Variants in RC3H1 observed in about 807,000 individuals in gnomAD.
The protein encoded by RC3H1 is ring finger and CCCH-type domains 1.
RC3H1 carries 50 observed loss-of-function variants against 138.2 expected under a neutral mutation model. That is an observed-to-expected ratio of 0.36 (90% CI 0.29 to 0.46). The LOEUF is 0.46. RC3H1 is among the 20% of genes least tolerant of loss of function. RC3H1 has a pLI of 1.00. For synonymous variants in RC3H1, 462 were observed against 489.1 expected (o/e 0.94, Z 0.73); for missense variants, 1,031 against 1,388.1 (o/e 0.74, Z 4.09).
intron 2 of RC3H1, among the ~76,000 whole-genome samples, chr1:173,989,450 C>T (rs888360495): frequency 3.3e-5 from 5 of 152,058 alleles, no homozygotes; most frequent in Non-Finnish European, 7.4e-5. Flanking sequence ...TGGCCTCCCA[C>T]AGTGCTGGGA....
At chr1:173,998,693 C>T (rs1341832005) in intron 1 of RC3H1, among the ~76,000 whole-genome samples, 2 of 152,178 alleles carry the variant, frequency 1.3e-5, no homozygotes, top group Non-Finnish European at 2.9e-5. Context: ...TGGTTAAGAA[C>T]CACCACTTTC....
chr1:174,008,313 A>T (rs1053838793), intron 1 of RC3H1, among the ~76,000 whole-genome samples: 5 of 152,192 alleles, frequency 3.3e-5, no homozygotes, highest in Non-Finnish European at 5.9e-5. Context: ...TTGTTTTGAA[A>T]TATGCCTCCT....
chr1:173,975,152 G>A (rs1255650910), intron 7 of RC3H1, among the ~76,000 whole-genome samples: 1 of 152,148 alleles, frequency 6.6e-6, no homozygotes, highest in Non-Finnish European at 1.5e-5. Context: ...CTGGAGTGCA[G>A]TGGCATGATC....
At chr1:173,944,588 C>G (rs1026033448) in intron 17 of RC3H1, among the ~76,000 whole-genome samples, 3 of 152,044 alleles carry the variant, frequency 2.0e-5, no homozygotes, top group Admixed American at 6.6e-5. Flanking sequence ...AACAAACAAA[C>G]AAAAAACCAT....
At position 173,932,085 on chromosome 1, in the gene RC3H1, A is replaced by G. The variant is rs1658403134; in HGVS notation, c.*6636T>C. On this transcript the variant is annotated 3_prime_UTR_variant, in exon 20 of 20. Coordinates refer to ENST00000367696, the MANE Select transcript of RC3H1 (RefSeq NM_172071.4). ...AGTGATTTCACTTACAACCTGACTC[A>G]AATCTCATGGGCTCCTTTATTAACC... 2.0e-5 allele frequency: 3 copies of G among 152,168 alleles called. No homozygotes were observed. Among genetic ancestry groups the G allele is most frequent in the South Asian group, 2.1e-4 (1 of 4,834 alleles). The allele number at this position is 152,168 out of a possible 1,614,324, so 9.4% of individuals were successfully genotyped here.
chr1:173,978,515 G>T lies in RC3H1; in HGVS notation c.1075C>A (p.Leu359Met), dbSNP rs755213543. ...NLNRLRPHLE[L>M]LANIDPSPDA... ...GGACTAGGGTCAATGTTTGCTAACA[G>T]CTCCAAATGGGGTCTTAGTCGGTTC... is the stretch of plus-strand genomic sequence containing the variant. The change falls in exon 7 of 20, where the codon CTG becomes ATG. Residue 359 changes from leucine (L) to methionine (M), a missense_variant. Coordinates refer to ENST00000367696, the MANE Select transcript of RC3H1 (RefSeq NM_172071.4). 8 of 1,614,042 alleles carry T rather than the reference G, an allele frequency of 5.0e-6. No individual in the cohort carries two copies. In the South Asian group the frequency reaches 6.6e-5, roughly 13 times the overall value.
intron 14 of RC3H1, among the ~76,000 whole-genome samples, chr1:173,948,853 T>G (rs1229808809): frequency 1.3e-5 from 2 of 152,142 alleles, no homozygotes; most frequent in Non-Finnish European, 2.9e-5. Context: ...CCCAAAGTGC[T>G]GGGGTTACAG....
chr1:174,021,492 T>G (rs945185608), intron 1 of RC3H1, among the ~76,000 whole-genome samples: 4 of 150,104 alleles, frequency 2.7e-5, no homozygotes, highest in African/African-American at 4.9e-5. Flanking sequence ...AGTTTTTTGT[T>G]TTTTTTTTTT....
intron 1 of RC3H1, among the ~76,000 whole-genome samples, chr1:174,021,785 A>T (rs916081655): frequency 6.6e-6 from 1 of 152,118 alleles, no homozygotes; most frequent in Non-Finnish European, 1.5e-5. Context: ...GTACCACAGG[A>T]GCCAGGTAGC....
In RC3H1 at chr1:173,943,510, C is replaced by G. The variant is rs1362896260; in HGVS notation, c.3067G>C (p.Glu1023Gln). 6.2e-7 allele frequency: 1 copy of G among 1,614,148 alleles called. No individual in the cohort carries two copies. The highest frequency in any genetic ancestry group is 1.7e-4 in the Middle Eastern group (1 of 6,058). ...PPKWPGMISS[E>Q]QLSLELHQVE... Reference sequence around the variant, plus strand: ...TGGTGCAGTTCCAAGCTCAACTGCTCACTTGAGATCATCCCAGGCCATTTT... The same window carrying G: ...TGGTGCAGTTCCAAGCTCAACTGCTGACTTGAGATCATCCCAGGCCATTTT... Residue 1023 changes from glutamate (E) to glutamine (Q), a missense_variant, in exon 18 of 20, where the codon GAG (glutamate) becomes CAG (glutamine). Transcript: ENST00000367696.
chr1:173,986,976 A>G (rs1661054453), intron 2 of RC3H1, among the ~76,000 whole-genome samples: 1 of 152,036 alleles, frequency 6.6e-6, no homozygotes, highest in Non-Finnish European at 1.5e-5. Flanking sequence ...GAATGCCCCT[A>G]AACTGGGATC....
intron 9 of RC3H1, 88 bp from the exon 10 acceptor site, chr1:173,965,208 T>G: frequency 8.6e-7 from 1 of 1,169,276 alleles, no homozygotes; most frequent in Non-Finnish European, 1.2e-6. Flanking sequence ...TTTCTAGAAA[T>G]ATTCTCTCTT....
At chr1:173,972,045 A>C (rs1269565147) in intron 8 of RC3H1, among the ~76,000 whole-genome samples, 1 of 152,196 alleles carries the variant, frequency 6.6e-6, no homozygotes, top group African/African-American at 2.4e-5. Context: ...CAATGGCATA[A>C]GACATTATGA....
intron 9 of RC3H1, chr1:173,969,453 T>C (rs1322863062): frequency 6.6e-6 from 1 of 151,838 alleles, no homozygotes; most frequent in Non-Finnish European, 1.5e-5. Flanking sequence ...TCTATTGTAA[T>C]GTATTACTGA....
intron 1 of RC3H1, among the ~76,000 whole-genome samples, chr1:174,004,445 C>T (rs767790904): frequency 1.3e-5 from 2 of 151,838 alleles, no homozygotes; most frequent in Non-Finnish European, 2.9e-5. Flanking sequence ...TACACAAATA[C>T]GTATGTTATC....
intron 9 of RC3H1, chr1:173,969,238 T>C (rs1038471773): frequency 6.6e-6 from 1 of 151,770 alleles, no homozygotes; most frequent in Non-Finnish European, 1.5e-5. Flanking sequence ...GTGATAATTA[T>C]ATTGTACTAC....
At chr1:174,001,547 A>G (rs889529310) in intron 1 of RC3H1, among the ~76,000 whole-genome samples, 1 of 152,136 alleles carries the variant, frequency 6.6e-6, no homozygotes, top group Admixed American at 6.5e-5. Flanking sequence ...CCTAGGTTCA[A>G]GCCATTCTCA....
chr1:173,981,049 A>C (rs1660791781), intron 5 of RC3H1, 40 bp from the exon 6 acceptor site: 1 of 1,551,116 alleles, frequency 6.4e-7, no homozygotes, highest in Non-Finnish European at 8.8e-7. Context: ...AGTCAAAAAA[A>C]TGAGTTTATG....
At chr1:173,958,188 ATACAAAC>A (rs1241670945) in intron 13 of RC3H1, among the ~76,000 whole-genome samples, 1 of 152,006 alleles carries the variant, frequency 6.6e-6, no homozygotes, top group African/African-American at 2.4e-5. Context: ...AAAAAAAAAA[ATACAAAC>A]TATAAGCTAA....
Sources: gnomAD v4.1 joint callset for allele counts (sites outside exome capture counted in the v4.1 genomes callset) on GRCh38, gnomAD v4.1.1 for gene constraint, MANE v1.5 for transcripts, NCBI Gene and HGNC (gene_info 2026-07-23, HGNC 2026-07-21) for gene names.